The following FSTL5 variants were observed in gnomAD, a reference collection of about 807,000 sequenced individuals.
FSTL5 encodes follistatin like 5, also known as follistatin-related protein 5.
FSTL5 carries 62 observed loss-of-function variants against 89.1 expected under a neutral mutation model. The observed-to-expected ratio is 0.70, with a 90% CI of 0.57 to 0.86. The LOEUF (loss-of-function observed/expected upper bound fraction) is 0.86. Ranked by LOEUF, FSTL5 falls within the 40% of genes least tolerant of loss-of-function variation. The pLI is 0.00. For synonymous variants in FSTL5, 383 were observed against 346.2 expected (o/e 1.11, Z -1.18); for missense variants, 1,057 against 1,001.6 (o/e 1.06, Z -0.75).
chr4:161,509,166 G>T (rs1457741753), intron 11 of FSTL5, among the ~76,000 whole-genome samples: 1 of 152,128 alleles, frequency 6.6e-6, no homozygotes, highest in Non-Finnish European at 1.5e-5. Flanking sequence ...AGCCGGGCGT[G>T]GTGGCCCGCT....
chr4:161,711,105 T>A (rs1473713683), intron 6 of FSTL5, among the ~76,000 whole-genome samples: 1 of 151,846 alleles, frequency 6.6e-6, no homozygotes, highest in Admixed American at 6.6e-5. Context: ...GTAATATTTT[T>A]AATTAATAAC....
At chr4:161,471,158 T>G (rs1733922323) in intron 13 of FSTL5, among the ~76,000 whole-genome samples, 1 of 152,228 alleles carries the variant, frequency 6.6e-6, no homozygotes, top group Admixed American at 6.5e-5. Flanking sequence ...TTTCCTGAAC[T>G]TAGAGGAGAA....
At position 161,444,998 on chromosome 4, in the gene FSTL5, T is replaced by C. The variant is rs190410074; in HGVS notation, c.1841+10006A>G. 2.2e-3 allele frequency among the ~76,000 whole-genome samples: 337 copies of C among 152,108 alleles called. 1 individual carries two copies. The highest frequency in any genetic ancestry group is 7.8e-3 in the African/African-American group (325 of 41,548). On this transcript the variant is annotated intron_variant, in intron 15 of 15. Coordinates refer to ENST00000306100, the MANE Select transcript of FSTL5 (RefSeq NM_020116.5). Reference sequence around the variant, plus strand: ...TATCTGGCATAGAGTAAGTACTCAATGTTTGTTAATCACTATTAACATATA... The same window carrying C: ...TATCTGGCATAGAGTAAGTACTCAACGTTTGTTAATCACTATTAACATATA...
At chr4:161,856,863 T>C (rs887219426) in intron 4 of FSTL5, among the ~76,000 whole-genome samples, 2 of 151,978 alleles carry the variant, frequency 1.3e-5, no homozygotes, top group African/African-American at 4.8e-5. Context: ...TGCAAAGGCA[T>C]GGGGCAAGAG....
At chr4:162,110,121 TA>T (rs1172276357) in intron 2 of FSTL5, among the ~76,000 whole-genome samples, 1 of 152,048 alleles carries the variant, frequency 6.6e-6, no homozygotes, top group African/African-American at 2.4e-5. Context: ...ATTTTGACAT[TA>T]AAGTATATTT....
At chr4:161,874,239 C>T (rs1046105641) in intron 4 of FSTL5, among the ~76,000 whole-genome samples, 12 of 152,026 alleles carry the variant, frequency 7.9e-5, no homozygotes, top group Middle Eastern at 3.2e-3. Flanking sequence ...GAATGTTTGA[C>T]ATTCTTAGCT....
intron 2 of FSTL5, among the ~76,000 whole-genome samples, chr4:162,055,575 G>A (rs1234726981): frequency 2.0e-5 from 3 of 149,210 alleles, no homozygotes; most frequent in Non-Finnish European, 4.5e-5. Context: ...AAATTGTAAG[G>A]CAATCAATAT....
chr4:161,438,498 C>G (rs1732650172), intron 15 of FSTL5, among the ~76,000 whole-genome samples: 3 of 151,928 alleles, frequency 2.0e-5, no homozygotes, highest in Admixed American at 6.6e-5. Context: ...CCTTTTATGT[C>G]TTGCTGATGA....
intron 4 of FSTL5, among the ~76,000 whole-genome samples, chr4:161,826,215 C>T (rs1427904567): frequency 1.3e-5 from 2 of 151,968 alleles, no homozygotes; most frequent in Admixed American, 6.6e-5. Context: ...AGTTGATTTC[C>T]AATTTTATTC....
chr4:161,848,800 C>A (rs1731459524), intron 4 of FSTL5, among the ~76,000 whole-genome samples: 1 of 152,080 alleles, frequency 6.6e-6, no homozygotes, highest in Non-Finnish European at 1.5e-5. Flanking sequence ...TCTTGACAAA[C>A]CATAAACTGG....
chr4:161,985,533 G>T (rs1735941747), intron 3 of FSTL5, among the ~76,000 whole-genome samples: 1 of 151,846 alleles, frequency 6.6e-6, no homozygotes, highest in Non-Finnish European at 1.5e-5. Flanking sequence ...AAAATACAAT[G>T]TCTCCAAGTT....
intron 13 of FSTL5, among the ~76,000 whole-genome samples, chr4:161,464,111 T>C (rs1733669642): frequency 6.6e-6 from 1 of 152,210 alleles, no homozygotes; most frequent in East Asian, 1.9e-4. Flanking sequence ...TAGGATACTC[T>C]TGAAATTTAC....
intron 4 of FSTL5, among the ~76,000 whole-genome samples, chr4:161,798,026 G>A (rs1323337368): frequency 3.3e-5 from 5 of 151,666 alleles, no homozygotes; most frequent in Middle Eastern, 3.4e-3. Flanking sequence ...TGCTGTGTTT[G>A]AGTTATTTCT....
intron 7 of FSTL5, among the ~76,000 whole-genome samples, chr4:161,593,630 C>T (rs933189375): frequency 5.9e-5 from 9 of 151,980 alleles, no homozygotes; most frequent in African/African-American, 1.9e-4. Flanking sequence ...TACACTCTGG[C>T]TGTCATACAG....
At position 161,581,772 on chromosome 4, in the gene FSTL5, G is replaced by T. The variant is rs551805146; in HGVS notation, c.1015+5683C>A. Among the ~76,000 whole-genome samples the T allele has an allele frequency of 1.7e-3, 257 of 152,258 alleles. 1 individual carries two copies. Among genetic ancestry groups the T allele is most frequent in the African/African-American group, 5.8e-3 (239 of 41,540 alleles). ...TCTTATTTCAGTAGAAAACACATCC[G>T]CACAATATTATGTATGAGGGCTTAA... is the stretch of plus-strand genomic sequence containing the variant. On this transcript the variant is annotated intron_variant, in intron 8 of 15. Transcript: ENST00000306100.
At chr4:162,161,330 G>A (rs1393297794) in intron 1 of FSTL5, among the ~76,000 whole-genome samples, 2 of 151,860 alleles carry the variant, frequency 1.3e-5, no homozygotes, top group Non-Finnish European at 2.9e-5. Flanking sequence ...AATTTGATTA[G>A]TTTCAGTGGA....
At chr4:161,850,374 T>C (rs1731509922) in intron 4 of FSTL5, among the ~76,000 whole-genome samples, 1 of 142,012 alleles carries the variant, frequency 7.0e-6, no homozygotes. Flanking sequence ...TTTAAAACAT[T>C]CAGCCATTTA....
chr4:161,570,342 G>A (rs990930733), intron 8 of FSTL5, among the ~76,000 whole-genome samples: 1 of 152,126 alleles, frequency 6.6e-6, no homozygotes, highest in Non-Finnish European at 1.5e-5. Context: ...GAATCTTCTG[G>A]GCAGGGGAAA....
chr4:161,997,601 C>CTTTTTT (rs60978465), intron 3 of FSTL5, among the ~76,000 whole-genome samples: 6 of 129,312 alleles, frequency 4.6e-5, no homozygotes, highest in Non-Finnish European at 6.4e-5. Flanking sequence ...TACATGTTAT[C>CTTTTTT]TTTTTTTTTT....
Sources: gnomAD v4.1 joint callset for allele counts (sites outside exome capture counted in the v4.1 genomes callset) on GRCh38, gnomAD v4.1.1 for gene constraint, MANE v1.5 for transcripts, NCBI Gene and HGNC (gene_info 2026-07-23, HGNC 2026-07-21) for gene names.